TMEM45A: variants seen among roughly 807,000 people sequenced by gnomAD.
TMEM45A encodes DNA polymerase-transactivated protein 4.
Under a neutral mutation model 32.0 loss-of-function variants are expected in TMEM45A, and 25 were observed. That is an observed-to-expected ratio of 0.78 (90% CI 0.57 to 1.09). TMEM45A has a LOEUF of 1.09. TMEM45A is among the 50% of genes least tolerant of loss of function. The pLI is 0.00. For missense variants in TMEM45A, 302 were observed against 325.0 expected (o/e 0.93, Z 0.54); for synonymous variants, 122 against 114.8 (o/e 1.06, Z -0.40).
intron 1 of TMEM45A, among the ~76,000 whole-genome samples, chr3:100,510,035 T>G (rs6767301): frequency 1.3e-5 from 2 of 151,566 alleles, no homozygotes; most frequent in Admixed American, 6.6e-5. Flanking sequence ...GGCAGCGAGG[T>G]TGGGGGAGGA....
intron 5 of TMEM45A, 57 bp from the exon 6 acceptor site, chr3:100,576,868 G>A: frequency 7.5e-7 from 1 of 1,330,616 alleles, no homozygotes; most frequent in Non-Finnish European, 1.1e-6. Flanking sequence ...GGTGCATATT[G>A]CTCTGGGTTT....
At chr3:100,517,055 C>G (rs1028174574) in intron 1 of TMEM45A, among the ~76,000 whole-genome samples, 3 of 152,132 alleles carry the variant, frequency 2.0e-5, no homozygotes, top group Non-Finnish European at 2.9e-5. Flanking sequence ...TGCATGTGTT[C>G]TCAATCACTG....
At chr3:100,555,991 C>CT (rs980585490) in intron 2 of TMEM45A, among the ~76,000 whole-genome samples, 1 of 151,356 alleles carries the variant, frequency 6.6e-6, no homozygotes, top group African/African-American at 2.4e-5. Context: ...TTCTTTTTTC[C>CT]TTTTTTCTTT....
At chr3:100,517,314 C>T (rs1037087608) in intron 1 of TMEM45A, among the ~76,000 whole-genome samples, 16 of 152,200 alleles carry the variant, frequency 1.1e-4, no homozygotes, top group South Asian at 2.1e-4. Flanking sequence ...GACAGGGTTT[C>T]GCCATTTTGG....
chr3:100,534,429 G>A (rs915136605), intron 1 of TMEM45A, among the ~76,000 whole-genome samples: 2 of 152,182 alleles, frequency 1.3e-5, no homozygotes, highest in African/African-American at 4.8e-5. Context: ...GGCAAAAGGA[G>A]AAGGGGTCAG....
intron 1 of TMEM45A, chr3:100,519,691 A>T: frequency 1.5e-6 from 2 of 1,349,260 alleles, no homozygotes; most frequent in Non-Finnish European, 2.1e-6. Flanking sequence ...ACCTAGTTTG[A>T]ACCTGACTGT....
chr3:100,563,354 A>G (rs1706370752), intron 4 of TMEM45A, among the ~76,000 whole-genome samples: 1 of 152,188 alleles, frequency 6.6e-6, no homozygotes, highest in African/African-American at 2.4e-5. Context: ...GTTTCCAAAT[A>G]CAATCACATT....
intron 1 of TMEM45A, among the ~76,000 whole-genome samples, chr3:100,517,375 C>T (rs1028101017): frequency 2.4e-4 from 37 of 152,146 alleles, no homozygotes; most frequent in African/African-American, 8.7e-4. Context: ...CATAAGCCAC[C>T]GCACCCGGCT....
Position 100,528,038 on chromosome 3 carries a change from C to T in TMEM45A, c.-3-27171C>T, listed in dbSNP as rs140349062. On this transcript the variant is annotated intron_variant, in intron 1 of 5. Transcript: ENST00000323523. ...AAATTTGAATTTTGAATAAACAACA[C>T]GTGCACTATATGGAACATACTTGTG... Among the ~76,000 whole-genome samples, 919 of 152,296 alleles carry T rather than the reference C, an allele frequency of 6.0e-3. 8 individuals carry two copies. Among genetic ancestry groups the T allele is most frequent in the Middle Eastern group, 0.01 (3 of 294 alleles).
At chr3:100,564,590 TC>T in intron 4 of TMEM45A, among the ~76,000 whole-genome samples, 1 of 152,050 alleles carries the variant, frequency 6.6e-6, no homozygotes, top group Non-Finnish European at 1.5e-5. Context: ...TTCAAGCGAT[TC>T]TCCTGCCTCA....
chr3:100,555,352 T>G lies in TMEM45A; in HGVS notation c.141T>G (p.Tyr47Ter). The change falls in exon 2 of 6, where the codon TAT becomes TAG. Residue 47 changes from tyrosine (Y) to a stop codon, truncating the protein, a stop_gained. Transcript: ENST00000323523. LOFTEE classifies it high-confidence loss of function. Reference sequence around the variant, plus strand: ...ATCTTGGTTCCAAAACATTATTCTATCGATTGGAAATTTTGGAGGGAATTA... The same window carrying G: ...ATCTTGGTTCCAAAACATTATTCTAGCGATTGGAAATTTTGGAGGGAATTA... The part of the protein sequence containing the change: ...TCYLGSKTLF[Y>*]RLEILEGITI... The G allele has an allele frequency of 6.2e-7, 1 of 1,614,014 alleles. No individual in the cohort carries two copies. Among genetic ancestry groups the G allele is most frequent in the Non-Finnish European group, 8.5e-7 (1 of 1,179,950 alleles).
At chr3:100,563,323 G>C (rs893446415) in intron 4 of TMEM45A, among the ~76,000 whole-genome samples, 7 of 152,192 alleles carry the variant, frequency 4.6e-5, no homozygotes, top group Non-Finnish European at 1.0e-4. Flanking sequence ...ACCTTAACTT[G>C]ATTACCTCTG....
chr3:100,494,149 A>G (rs1400720048), intron 1 of TMEM45A, among the ~76,000 whole-genome samples: 1 of 152,250 alleles, frequency 6.6e-6, no homozygotes, highest in African/African-American at 2.4e-5. Context: ...GATGAAAAAT[A>G]TTCAGTTAAG....
intron 1 of TMEM45A, among the ~76,000 whole-genome samples, chr3:100,494,139 G>A (rs1707889791): frequency 6.6e-6 from 1 of 152,178 alleles, no homozygotes; most frequent in South Asian, 2.1e-4. Context: ...GAAACAGAAT[G>A]ATGAAAAATA....
intron 1 of TMEM45A, among the ~76,000 whole-genome samples, chr3:100,545,764 T>C (rs1382262936): frequency 1.3e-5 from 2 of 152,224 alleles, no homozygotes; most frequent in Non-Finnish European, 2.9e-5. Flanking sequence ...TTCTTTGTTC[T>C]GCCAGACTGT....
At position 100,556,943 on chromosome 3, in the gene TMEM45A, T is replaced by A; in HGVS notation, c.374T>A (p.Leu125Ter). 1 of 1,614,200 alleles carries A rather than the reference T, an allele frequency of 6.2e-7. No individual in the cohort carries two copies. ...TCACTTCCTGTGTCCTTAACCAAGTTAATGTTGTCAAATGCCTTATTTGTG... is the reference window on the plus strand; with the variant it reads ...TCACTTCCTGTGTCCTTAACCAAGTAAATGTTGTCAAATGCCTTATTTGTG... ...ISSLPVSLTK[L>*]MLSNALFVEA... The change falls in exon 3 of 6, where the codon TTA (leucine) becomes TAA (stop). Residue 125 changes from leucine (L) to a stop codon, truncating the protein, a stop_gained. Transcript: ENST00000323523. LOFTEE classifies it high-confidence loss of function.
intron 1 of TMEM45A, among the ~76,000 whole-genome samples, chr3:100,521,673 G>C (rs1281562347): frequency 6.6e-6 from 1 of 152,158 alleles, no homozygotes; most frequent in Non-Finnish European, 1.5e-5. Context: ...ACATCATTCT[G>C]TGCCAGTTGT....
chr3:100,563,481 T>A (rs960368379), intron 4 of TMEM45A, among the ~76,000 whole-genome samples: 1 of 152,192 alleles, frequency 6.6e-6, no homozygotes, highest in African/African-American at 2.4e-5. Flanking sequence ...GCAGGTCATG[T>A]GGATGGCATT....
intron 2 of TMEM45A, among the ~76,000 whole-genome samples, chr3:100,556,025 G>A (rs2148982275): frequency 6.6e-6 from 1 of 151,958 alleles, no homozygotes; most frequent in South Asian, 2.1e-4. Flanking sequence ...CGGTCTATTG[G>A]CCAGGCTGGA....
Sources: gnomAD v4.1 joint callset for allele counts (sites outside exome capture counted in the v4.1 genomes callset) on GRCh38, gnomAD v4.1.1 for gene constraint, MANE v1.5 for transcripts, NCBI Gene and HGNC (gene_info 2026-07-23, HGNC 2026-07-21) for gene names.